ACVR1: variants seen among roughly 807,000 people sequenced by gnomAD.
ACVR1 encodes the protein activin receptor type-1.
ACVR1 carries 38 observed loss-of-function variants against 57.1 expected under a neutral mutation model. That is an observed-to-expected ratio of 0.67 (90% confidence interval 0.51 to 0.87). The LOEUF (loss-of-function observed/expected upper bound fraction) is 0.87. Ranked by LOEUF, ACVR1 falls within the 40% of genes least tolerant of loss-of-function variation. The pLI, the probability that ACVR1 is intolerant of heterozygous loss-of-function variation, is 0.00. For missense variants in ACVR1, 463 were observed against 638.2 expected (o/e 0.73, Z 2.96); for synonymous variants, 212 against 228.1 (o/e 0.93, Z 0.63).
At chr2:157,762,388 T>C (rs1328079878) in intron 8 of ACVR1, among the ~76,000 whole-genome samples, 1 of 152,162 alleles carries the variant, frequency 6.6e-6, no homozygotes, top group Admixed American at 6.5e-5. Flanking sequence ...GGAAAAAACA[T>C]AGTATATATA....
intron 3 of ACVR1, among the ~76,000 whole-genome samples, chr2:157,788,362 A>C (rs1686788936): frequency 6.6e-6 from 1 of 152,194 alleles, no homozygotes; most frequent in African/African-American, 2.4e-5. Context: ...AGCATGATGG[A>C]ATCTCACGTT....
At chr2:157,763,509 A>G (rs747950230) in intron 8 of ACVR1, among the ~76,000 whole-genome samples, 1 of 152,230 alleles carries the variant, frequency 6.6e-6, no homozygotes, top group Non-Finnish European at 1.5e-5. Flanking sequence ...ACTTGAGCTC[A>G]GGTGTTCAAG....
chr2:157,807,448 C>G (rs1687588283), intron 2 of ACVR1, among the ~76,000 whole-genome samples: 1 of 152,138 alleles, frequency 6.6e-6, no homozygotes, highest in Non-Finnish European at 1.5e-5. Context: ...TAGCCACGGT[C>G]CACCTGCTTT....
chr2:157,770,216 T>G (rs1244282100), intron 7 of ACVR1, 152 bp downstream of exon 7: 1 of 799,628 alleles, frequency 1.3e-6, no homozygotes, highest in Non-Finnish European at 2.0e-6. Flanking sequence ...AACTGGTGTT[T>G]GAGAAAATTA....
intron 1 of ACVR1, among the ~76,000 whole-genome samples, chr2:157,860,692 TC>T (rs1299614662): frequency 6.6e-6 from 1 of 152,098 alleles, no homozygotes; most frequent in Non-Finnish European, 1.5e-5. Context: ...TACATATACT[TC>T]CAGACAATTT....
At position 157,738,538 on chromosome 2, in the gene ACVR1, C is replaced by T. The variant is rs776029462; in HGVS notation, c.1297G>A (p.Asp433Asn). The change falls in exon 10 of 11, where the codon GAT (aspartate) becomes AAT (asparagine). Residue 433 changes from aspartate (D) to asparagine (N), a missense_variant. By Grantham distance (23) the Asp-to-Asn change is conservative (BLOSUM62 1). Around this residue, in one of 3 missense-constraint regions of ACVR1, gnomAD observed 146 missense variants for 186.6 expected, o/e 0.78. Transcript: ENST00000434821. Reference sequence around the variant, plus strand: ...AAACTTGGGTCATTGGGAACCACATCGTAGAACGGTGGCTTGTAATCCTCC... The same window carrying T: ...AAACTTGGGTCATTGGGAACCACATTGTAGAACGGTGGCTTGTAATCCTCC... ...IVEDYKPPFY[D>N]VVPNDPSFED... The T allele has an allele frequency of 6.2e-6, 10 of 1,613,986 alleles. No homozygotes were observed. Among genetic ancestry groups the T allele is most frequent in the East Asian group, 2.2e-5 (1 of 44,888 alleles).
At chr2:157,807,206 T>C (rs1406467771) in intron 2 of ACVR1, among the ~76,000 whole-genome samples, 1 of 152,192 alleles carries the variant, frequency 6.6e-6, no homozygotes, top group Non-Finnish European at 1.5e-5. Flanking sequence ...TAGGCTACTA[T>C]GTAAGAATCA....
intron 1 of ACVR1, among the ~76,000 whole-genome samples, chr2:157,873,711 C>T (rs1049686591): frequency 6.6e-6 from 1 of 152,210 alleles, no homozygotes; most frequent in Non-Finnish European, 1.5e-5. Flanking sequence ...TCATGACAAT[C>T]ATGGGACTAG....
chr2:157,802,187 G>A (rs1687349311), intron 2 of ACVR1, among the ~76,000 whole-genome samples: 1 of 152,178 alleles, frequency 6.6e-6, no homozygotes, highest in Admixed American at 6.5e-5. Context: ...TAGGAAAAGG[G>A]TAAGTGTGTT....
chr2:157,742,590 T>C (rs1214353209), intron 9 of ACVR1, among the ~76,000 whole-genome samples: 1 of 152,218 alleles, frequency 6.6e-6, no homozygotes, highest in Non-Finnish European at 1.5e-5. Flanking sequence ...GGTAAGCCTA[T>C]CTTTATCAAC....
rs762714753 is a variant in ACVR1 at position 157,774,072 on chromosome 2, GA to G, written c.643+15del. ...CATTGCATATTACCCACAAAGAAAG[GA>G]AAAAAAAGAATTACCGACACACTCC... On this transcript the variant is annotated intron_variant, in intron 6 of 10. Coordinates refer to ENST00000434821, the MANE Select transcript of ACVR1 (RefSeq NM_001111067.4). 3 of 1,605,858 alleles carry G rather than the reference GA, an allele frequency of 1.9e-6. No homozygotes were observed. Among genetic ancestry groups the G allele is most frequent in the Non-Finnish European group, 2.6e-6 (3 of 1,173,536 alleles).
At chr2:157,785,116 C>G (rs1480638896) in intron 3 of ACVR1, among the ~76,000 whole-genome samples, 2 of 152,162 alleles carry the variant, frequency 1.3e-5, no homozygotes, top group Non-Finnish European at 2.9e-5. Context: ...GAAAATGCTA[C>G]AAGTAAACAA....
At chr2:157,816,963 A>T (rs1471810441) in intron 2 of ACVR1, among the ~76,000 whole-genome samples, 23 of 144,938 alleles carry the variant, frequency 1.6e-4, no homozygotes, top group Non-Finnish European at 1.8e-4. Flanking sequence ...ATAGCGAGAC[A>T]TTTTTTTTTT....
chr2:157,744,606 GA>G (rs1684894286), intron 9 of ACVR1, among the ~76,000 whole-genome samples: 1 of 152,132 alleles, frequency 6.6e-6, no homozygotes. Flanking sequence ...TTTGGATATG[GA>G]AAAAAATGAT....
chr2:157,817,756 G>A (rs1383682236), intron 2 of ACVR1, among the ~76,000 whole-genome samples: 3 of 152,030 alleles, frequency 2.0e-5, no homozygotes, highest in South Asian at 2.1e-4. Context: ...ATCCCATCAC[G>A]TTGGGAGGCC....
chr2:157,865,890 G>A (rs2105383494), intron 1 of ACVR1, among the ~76,000 whole-genome samples: 1 of 151,670 alleles, frequency 6.6e-6, no homozygotes, highest in South Asian at 2.1e-4. Context: ...CTGCAGGCGT[G>A]GGGATATATT....
intron 3 of ACVR1, among the ~76,000 whole-genome samples, chr2:157,783,030 C>A (rs1039063778): frequency 2.6e-5 from 4 of 152,084 alleles, no homozygotes; most frequent in East Asian, 1.9e-4. Flanking sequence ...GCTCGCTGAA[C>A]GTATGGGCTG....
chr2:157,756,258 G>T (rs1318037481), intron 9 of ACVR1, among the ~76,000 whole-genome samples: 1 of 152,032 alleles, frequency 6.6e-6, no homozygotes, highest in Non-Finnish European at 1.5e-5. Flanking sequence ...CTTAGGAAAA[G>T]ACTTCATCAC....
At chr2:157,752,058 C>T (rs1335451482) in intron 9 of ACVR1, among the ~76,000 whole-genome samples, 1 of 152,206 alleles carries the variant, frequency 6.6e-6, no homozygotes, top group Middle Eastern at 3.2e-3. Context: ...CCATTTCATT[C>T]CCCTGCCATA....
Sources: gnomAD v4.1 joint callset for allele counts (sites outside exome capture counted in the v4.1 genomes callset) on GRCh38, gnomAD v4.1.1 for gene constraint, gnomAD v4.1.1 regional missense constraint, MANE v1.5 for transcripts, NCBI Gene and HGNC (gene_info 2026-07-23, HGNC 2026-07-21) for gene names.